The following RPL23 variants were observed in gnomAD, a reference collection of about 807,000 sequenced individuals.
The protein encoded by RPL23 is large ribosomal subunit protein uL14.
For synonymous variants in RPL23, 63 were observed against 65.3 expected (o/e 0.97, Z 0.17); for missense variants, 79 against 178.8 (o/e 0.44, Z 3.18).
At chr17:38,853,665 A>G (rs754454280) in intron 1 of RPL23, 33 bp downstream of exon 1, 14 of 1,614,036 alleles carry the variant, frequency 8.7e-6, no homozygotes, top group South Asian at 1.1e-5. Flanking sequence ...TGCACGACAG[A>G]TGGTGGAGGA....
chr17:38,852,321 T>G (rs971442811), intron 3 of RPL23: 5 of 335,918 alleles, frequency 1.5e-5, no homozygotes, highest in Non-Finnish European at 2.7e-5. Context: ...GCCAAGATCG[T>G]GCCATTGCAC....
Position 38,850,371 on chromosome 17 carries a change from C to T in RPL23, c.331G>A (p.Glu111Lys). 1 of 1,612,910 alleles carries T rather than the reference C, an allele frequency of 6.2e-7. No homozygotes were observed. The highest frequency in any genetic ancestry group is 8.5e-7 in the Non-Finnish European group (1 of 1,179,074). Residue 111 changes from glutamate to lysine, a missense_variant, in exon 4 of 5, where the codon GAG (glutamate) becomes AAG (lysine). By Grantham distance (56) the Glu-to-Lys change is moderately conservative. Coordinates refer to ENST00000479035, the MANE Select transcript of RPL23 (RefSeq NM_000978.4). ...NAGVIVNNKG[E>K]MKGSAITGPV... ...TGGACTGATTTCCTACCTTTCATCT[C>T]GCCTTTATTGTTCACTATGACTCCT...
At position 38,852,739 on chromosome 17, in the gene RPL23, A is replaced by G. The variant is rs772755994; in HGVS notation, c.98-7T>C. 5.0e-6 allele frequency: 8 copies of G among 1,613,882 alleles called. No homozygotes were observed. Among genetic ancestry groups the G allele is most frequent in the African/African-American group, 1.3e-5 (1 of 74,876 alleles). On this transcript the variant is annotated splice_region_variant and splice_polypyrimidine_tract_variant and intron_variant, in intron 2 of 4. Coordinates refer to ENST00000479035, the MANE Select transcript of RPL23 (RefSeq NM_000978.4). The stretch of plus-strand genomic sequence containing the variant: ...ATATACAGGTTTTTGGCTCCTACAA[A>G]AGAATGTAAATAAAAATAAAAAATG...
In RPL23 at chr17:38,848,325, A is replaced by G. The variant is rs531225899; in HGVS notation, c.*1807T>C. 4.3e-5 allele frequency: 10 copies of G among 235,164 alleles called. No homozygotes were observed. Among genetic ancestry groups the G allele is most frequent in the South Asian group, 2.2e-4 (2 of 8,944 alleles). The allele number at this position is 235,164 out of a possible 1,614,324, so 14.6% of individuals were successfully genotyped here. A position where few individuals can be genotyped will look rare whatever the true frequency, so the allele number is the denominator to read the frequency against. On this transcript the variant is annotated 3_prime_UTR_variant, in exon 5 of 5. Coordinates refer to ENST00000479035, the MANE Select transcript of RPL23 (RefSeq NM_000978.4). ...GCGACCTCAGCTCACTGCAACCTCCATCTCCGGGGTTCAAGCAATTCTCCT... is the reference window on the plus strand; with the variant it reads ...GCGACCTCAGCTCACTGCAACCTCCGTCTCCGGGGTTCAAGCAATTCTCCT...
At chr17:38,852,956 G>C (rs1254074552) in intron 2 of RPL23, 66 bp downstream of exon 2, 1 of 1,474,888 alleles carries the variant, frequency 6.8e-7, no homozygotes, top group South Asian at 1.1e-5. Flanking sequence ...GGCTCAATAG[G>C]TCATTAGCCA....
intron 3 of RPL23, chr17:38,850,750 A>T (rs1239177): frequency 0.86 from 279,138 of 326,304 alleles, 119,850 homozygotes; most frequent in Admixed American, 0.89. Flanking sequence ...ATAGGGAGTA[A>T]AGGCATGAAC....
Position 38,849,069 on chromosome 17 carries a change from T to C in RPL23, c.*1063A>G, listed in dbSNP as rs1912931828. On this transcript the variant is annotated 3_prime_UTR_variant, in exon 5 of 5. Transcript: ENST00000479035. ...TTCAGTTGGCAAAAATTTACCACATTCTTCCATTCTCAAACTAGAGCTTGG... is the reference window on the plus strand; with the variant it reads ...TTCAGTTGGCAAAAATTTACCACATCCTTCCATTCTCAAACTAGAGCTTGG... The C allele has an allele frequency of 2.0e-5, 3 of 152,176 alleles. No individual in the cohort carries two copies. 9.4% of individuals were successfully genotyped at this position (152,176 alleles called of 1,614,324 possible). A position where few individuals can be genotyped will look rare whatever the true frequency, so the allele number is the denominator to read the frequency against.
intron 4 of RPL23, 51 bp from the exon 5 acceptor site, chr17:38,850,265 T>G (rs1339752562): frequency 1.3e-6 from 2 of 1,558,094 alleles, no homozygotes; most frequent in African/African-American, 2.7e-5. Context: ...GGGGGACAGA[T>G]TAAGACATCG....
chr17:38,853,101 A>G lies in RPL23; in HGVS notation c.18T>C (p.Arg6=). 1.2e-6 allele frequency: 2 copies of G among 1,612,918 alleles called. No individual in the cohort carries two copies. The highest frequency in any genetic ancestry group is 2.7e-5 in the African/African-American group (2 of 74,996). The change falls in exon 2 of 5, where the codon CGT becomes CGC. Residue 6 remains arginine (R), a synonymous_variant. Coordinates refer to ENST00000479035, the MANE Select transcript of RPL23 (RefSeq NM_000978.4). MSKRG[R]GGSSGAKFRI... is the part of the protein sequence containing the mutation. ...GGAATTTCGCACCAGAGGACCCACC[A>G]CGTCCTGTGGATATAAAGGGAAGGG...
chr17:38,848,170 C>CT lies in RPL23; in HGVS notation c.*1961_*1962insA. The CT allele has an allele frequency of 8.3e-7, 1 of 1,202,840 alleles. No homozygotes were observed. The highest frequency in any genetic ancestry group is 1.1e-6 in the Non-Finnish European group (1 of 932,080). 74.5% of individuals were successfully genotyped at this position (1,202,840 alleles called of 1,614,324 possible). A position where few individuals can be genotyped will look rare whatever the true frequency, so the allele number is the denominator to read the frequency against. On this transcript the variant is annotated 3_prime_UTR_variant, in exon 5 of 5. Transcript: ENST00000479035. Reference sequence around the variant, plus strand: ...AAATGGTGGGCCTAGGGGCTTGTCACACTAAAGCTGACTTGAAATTGACCA... The same window carrying CT: ...AAATGGTGGGCCTAGGGGCTTGTCACTACTAAAGCTGACTTGAAATTGACCA...
Position 38,853,032 on chromosome 17 carries a change from A to G in RPL23, c.87T>C (p.Ala29=). The change falls in exon 2 of 5, where the codon GCT becomes GCC. Residue 29 remains alanine (A), a synonymous_variant. Transcript: ENST00000479035. ...GLPVGAVINC[A]DNTGAKNLYI... ...GTGCAAAGACCTCACCTGTGTTGTCAGCACAATTGATTACAGCTCCTACCG... is the reference window on the plus strand; with the variant it reads ...GTGCAAAGACCTCACCTGTGTTGTCGGCACAATTGATTACAGCTCCTACCG... 1.9e-6 allele frequency: 3 copies of G among 1,614,154 alleles called. No individual in the cohort carries two copies. The highest frequency in any genetic ancestry group is 2.5e-6 in the Non-Finnish European group (3 of 1,179,984).
At chr17:38,852,977 G>T in intron 2 of RPL23, 45 bp downstream of exon 2, 1 of 1,554,682 alleles carries the variant, frequency 6.4e-7, no homozygotes, top group Non-Finnish European at 8.9e-7. Context: ...CAGGCCCATT[G>T]AGTGCTTTTA....
Position 38,852,274 on chromosome 17 carries a change from T to A in RPL23, c.226+330A>T, listed in dbSNP as rs184808035. Reference sequence around the variant, plus strand: ...AGCTTGTTTTCGTTTTGTAATATATTTTTTTTTGAGAGCCCAGGAGGCGGA... The same window carrying A: ...AGCTTGTTTTCGTTTTGTAATATATATTTTTTTGAGAGCCCAGGAGGCGGA... On this transcript the variant is annotated intron_variant, in intron 3 of 4. Coordinates refer to ENST00000479035, the MANE Select transcript of RPL23 (RefSeq NM_000978.4). The A allele has an allele frequency of 1.3e-3, 276 of 212,888 alleles. 1 individual carries two copies. Among genetic ancestry groups the A allele is most frequent in the Admixed American group, 5.8e-3 (108 of 18,592 alleles). 13.2% of individuals were successfully genotyped at this position (212,888 alleles called of 1,614,324 possible).
At chr17:38,850,620 T>C in intron 3 of RPL23, 145 bp from the exon 4 acceptor site, 1 of 623,966 alleles carries the variant, frequency 1.6e-6, no homozygotes, top group South Asian at 1.9e-5. Context: ...TCCTCCCACC[T>C]CAGCCTCTCT....
intron 2 of RPL23, 78 bp from the exon 3 acceptor site, chr17:38,852,810 C>T: frequency 6.2e-7 from 1 of 1,600,054 alleles, no homozygotes; most frequent in Non-Finnish European, 8.6e-7. Context: ...TTCCCAAACA[C>T]TTCCAAAGCC....
chr17:38,852,671 G>A lies in RPL23; in HGVS notation c.159C>T (p.Pro53=), dbSNP rs747057465. The A allele has an allele frequency of 6.2e-7, 1 of 1,613,704 alleles. No homozygotes were observed. The highest frequency in any genetic ancestry group is 8.5e-7 in the Non-Finnish European group (1 of 1,180,024). The change falls in exon 3 of 5, where the codon CCC becomes CCT. Residue 53 remains proline, a synonymous_variant. Coordinates refer to ENST00000479035, the MANE Select transcript of RPL23 (RefSeq NM_000978.4). ...KGIKGRLNRL[P]AAGVGDMVMA... ...TCACCATGTCACCCACACCAGCAGC[G>A]GGAAGTCTGTTCAGCCGTCCCTTGA... is the stretch of plus-strand genomic sequence containing the variant.
Position 38,850,106 on chromosome 17 carries a change from T to A in RPL23, c.*26A>T, listed in dbSNP as rs150651365. Reference sequence around the variant, plus strand: ...TTTTTAATGGGTTTAGTTTTTTTTTTTATTTTTTACAAATATACTGGAGAA... The same window carrying A: ...TTTTTAATGGGTTTAGTTTTTTTTTATATTTTTTACAAATATACTGGAGAA... On this transcript the variant is annotated 3_prime_UTR_variant, in exon 5 of 5. Coordinates refer to ENST00000479035, the MANE Select transcript of RPL23 (RefSeq NM_000978.4). 149 of 1,340,224 alleles carry A rather than the reference T, an allele frequency of 1.1e-4. No homozygotes were observed. Among genetic ancestry groups the A allele is most frequent in the Non-Finnish European group, 1.5e-4 (146 of 977,672 alleles). 83.0% of individuals were successfully genotyped at this position (1,340,224 alleles called of 1,614,324 possible).
rs548709707 is a variant in RPL23, at chr17:38,849,813, T to TA, written c.*318dup. 492 of 206,368 alleles carry TA rather than the reference T, an allele frequency of 2.4e-3. No homozygotes were observed. The highest frequency in any genetic ancestry group is 6.5e-3 in the East Asian group (59 of 9,132). 12.8% of individuals were successfully genotyped at this position (206,368 alleles called of 1,614,324 possible). On this transcript the variant is annotated 3_prime_UTR_variant, in exon 5 of 5. Coordinates refer to ENST00000479035, the MANE Select transcript of RPL23 (RefSeq NM_000978.4). ...ACTCACAAAAAAGCAAGGATTGCTTTAAAAAAAAAATGCCCAGAGTTTCCA... is the reference window on the plus strand; with the variant it reads ...ACTCACAAAAAAGCAAGGATTGCTTTAAAAAAAAAAATGCCCAGAGTTTCCA...
chr17:38,848,093 G>A lies in RPL23; in HGVS notation c.*2039C>T, dbSNP rs558904501. On this transcript the variant is annotated 3_prime_UTR_variant, in exon 5 of 5. Coordinates refer to ENST00000479035, the MANE Select transcript of RPL23 (RefSeq NM_000978.4). ...AAAGATAACATTCAAAAACAGCAGC[G>A]ATTAGTGGTTAATATATAAGGATCA... 97 of 1,522,712 alleles carry A rather than the reference G, an allele frequency of 6.4e-5. 1 individual carries two copies. In the South Asian group the frequency reaches 1.0e-3, roughly 16 times the overall value. 94.3% of individuals were successfully genotyped at this position (1,522,712 alleles called of 1,614,324 possible). A position where few individuals can be genotyped will look rare whatever the true frequency, so the allele number is the denominator to read the frequency against.
Sources: allele counts gnomAD v4.1 joint callset, GRCh38; gene constraint gnomAD v4.1.1; transcripts MANE v1.5; gene names NCBI Gene and HGNC (gene_info 2026-07-23, HGNC 2026-07-21).